The following BBOF1 variants were observed in gnomAD, a reference collection of about 807,000 sequenced individuals.
The protein encoded by BBOF1 is basal body-orientation factor 1.
In BBOF1, 62 loss-of-function variants were observed where a neutral mutation model predicts 68.0. The ratio of observed to expected loss-of-function variants is 0.91; its 90% confidence interval spans 0.74 to 1.13. BBOF1 has a LOEUF of 1.13. Ranked by LOEUF, BBOF1 falls within the 50% of genes most tolerant of loss-of-function variation. BBOF1 has a pLI of 0.00. For synonymous variants in BBOF1, 208 were observed against 198.8 expected (o/e 1.05, Z -0.39); for missense variants, 534 against 600.1 (o/e 0.89, Z 1.15).
At chr14:74,029,823 G>A (rs1264065554) in intron 3 of BBOF1, among the ~76,000 whole-genome samples, 3 of 152,018 alleles carry the variant, frequency 2.0e-5, no homozygotes, top group East Asian at 3.9e-4. Flanking sequence ...GGAGATACAC[G>A]TTTTTAAAAT....
chr14:74,071,253 C>A (rs757736697), intron 9 of BBOF1: 4 of 1,614,076 alleles, frequency 2.5e-6, no homozygotes, highest in East Asian at 2.2e-5. Flanking sequence ...AATCCTGGAG[C>A]AACTTAGCAA....
At chr14:74,045,021 A>G (rs2059920100) in intron 5 of BBOF1, among the ~76,000 whole-genome samples, 1 of 152,124 alleles carries the variant, frequency 6.6e-6, no homozygotes, top group Non-Finnish European at 1.5e-5. Flanking sequence ...AACATGAGCG[A>G]GCAGGCCCGG....
At chr14:74,064,558 A>G in intron 11 of BBOF1, 130 bp from the exon 12 acceptor site, 1 of 814,414 alleles carries the variant, frequency 1.2e-6, no homozygotes, top group Non-Finnish European at 2.1e-6. Context: ...GAAGAGGGTC[A>G]CACACTCAGG....
downstream of BBOF1, chr14:74,068,767 GAGT>G (rs2060507950): frequency 7.1e-7 from 1 of 1,407,028 alleles, no homozygotes; most frequent in Non-Finnish European, 1.0e-6. Context: ...ACTGACATTG[GAGT>G]GGGATGAGTG....
intron 7 of BBOF1, 97 bp from the exon 8 acceptor site, chr14:74,049,605 T>C: frequency 2.0e-6 from 2 of 1,025,260 alleles, no homozygotes; most frequent in Non-Finnish European, 2.8e-6. Flanking sequence ...GAGGTTGCAG[T>C]GAGCTGAGAT....
chr14:74,067,766 A>G (rs1038929378), downstream of BBOF1, among the ~76,000 whole-genome samples: 20 of 151,990 alleles, frequency 1.3e-4, no homozygotes, highest in Non-Finnish European at 1.6e-4. Flanking sequence ...TCTACAAAAA[A>G]TACAAAAAAT....
chr14:74,060,157 C>A, intron 11 of BBOF1: 1 of 156,010 alleles, frequency 6.4e-6, no homozygotes, highest in Admixed American at 6.2e-5. Context: ...ATTTTTTTTC[C>A]CTTTTCTTTT....
Position 74,064,894 on chromosome 14 carries a change from C to T in BBOF1, c.*195C>T, listed in dbSNP as rs2060434555. 6.2e-7 allele frequency: 1 copy of T among 1,613,902 alleles called. No homozygotes were observed. Among genetic ancestry groups the T allele is most frequent in the African/African-American group, 1.3e-5 (1 of 74,884 alleles). On this transcript the variant is annotated 3_prime_UTR_variant, in exon 12 of 12. Coordinates refer to ENST00000394009, the MANE Select transcript of BBOF1 (RefSeq NM_025057.3). Reference sequence around the variant, plus strand: ...CGGTGAATGAGAACATTGGCAAAGGCACTGGAATGGGGACATTCACTCCCA... The same window carrying T: ...CGGTGAATGAGAACATTGGCAAAGGTACTGGAATGGGGACATTCACTCCCA...
At chr14:74,082,619 C>T (rs1052664998) in intron 12 of BBOF1, among the ~76,000 whole-genome samples, 2 of 151,956 alleles carry the variant, frequency 1.3e-5, no homozygotes, top group South Asian at 4.2e-4. Context: ...AGGCTGGTCT[C>T]GAACTCCTGA....
At chr14:74,069,101 C>CTTTTTTTTTTTTTTTTTTTTTTTTTTTT (rs900873855), downstream of BBOF1, 1 of 383,114 alleles carries the variant, frequency 2.6e-6, no homozygotes, top group Non-Finnish European at 3.9e-6. Flanking sequence ...TTTACTTTTT[C>CTTTTTTTTTTTTTTTTTTTTTTTTTTTT]TTTTTTTTTT....
At chr14:74,063,956 G>A (rs2060407521) in intron 11 of BBOF1, among the ~76,000 whole-genome samples, 1 of 151,842 alleles carries the variant, frequency 6.6e-6, no homozygotes, top group Non-Finnish European at 1.5e-5. Context: ...TTTGGTTCCA[G>A]ATCTGCTTTA....
At chr14:74,041,238 G>C (rs2059819720) in intron 5 of BBOF1, among the ~76,000 whole-genome samples, 1 of 152,114 alleles carries the variant, frequency 6.6e-6, no homozygotes, top group African/African-American at 2.4e-5. Context: ...AGGAGGCAGA[G>C]GTTGCAGTGA....
chr14:74,056,525 A>G (rs1344269040), intron 9 of BBOF1, among the ~76,000 whole-genome samples: 3 of 151,958 alleles, frequency 2.0e-5, no homozygotes, highest in African/African-American at 7.3e-5. Flanking sequence ...TAGTAAAGAC[A>G]GGGTTTCACC....
intron 2 of BBOF1, among the ~76,000 whole-genome samples, chr14:74,028,578 C>A (rs1488477066): frequency 6.6e-6 from 1 of 151,014 alleles, no homozygotes; most frequent in Admixed American, 6.6e-5. Context: ...ATTTTTTGTA[C>A]TCTTCTTGAA....
Position 74,064,697 on chromosome 14 carries a change from T to A in BBOF1, c.1588T>A (p.Ter530ArgextTer22), listed in dbSNP as rs771375490. 6.2e-7 allele frequency: 1 copy of A among 1,614,166 alleles called. No homozygotes were observed. Among genetic ancestry groups the A allele is most frequent in the East Asian group, 2.2e-5 (1 of 44,878 alleles). ...EPQESDTGTF[*>R] ...TTTAAATCTTTTTTAGGGAACCTTCTGAGAAGCACTGATTATGACCTCACA... is the reference window on the plus strand; with the variant it reads ...TTTAAATCTTTTTTAGGGAACCTTCAGAGAAGCACTGATTATGACCTCACA... Residue 530 changes from the stop codon to arginine (R), a stop_lost, in exon 12 of 12, where the codon TGA becomes AGA. Transcript: ENST00000394009.
At chr14:74,080,771 C>T (rs529859131) in intron 10 of BBOF1, among the ~76,000 whole-genome samples, 4 of 152,284 alleles carry the variant, frequency 2.6e-5, no homozygotes, top group African/African-American at 9.6e-5. Context: ...ATCTAGTTTC[C>T]ATCCCATAAT....
rs1247439569 is a variant in BBOF1, at chr14:74,023,017, A to G, written c.158A>G (p.Tyr53Cys). 1 of 1,612,394 alleles carries G rather than the reference A, an allele frequency of 6.2e-7. No homozygotes were observed. Among genetic ancestry groups the G allele is most frequent in the Non-Finnish European group, 8.5e-7 (1 of 1,179,208 alleles). Reference sequence around the variant, plus strand: ...GTCACAGAACTCTCTAGGATTAAGTATCGTGATACTTCACGGATACTGGCA... The same window carrying G: ...GTCACAGAACTCTCTAGGATTAAGTGTCGTGATACTTCACGGATACTGGCA... ...LEVTELSRIK[Y>C]RDTSRILAKS... Residue 53 changes from tyrosine (Y) to cysteine (C), a missense_variant, in exon 2 of 12, where the codon TAT (tyrosine) becomes TGT (cysteine). Physicochemically the swap from Tyr to Cys is radical, Grantham distance 194 (BLOSUM62 -2). Coordinates refer to ENST00000394009, the MANE Select transcript of BBOF1 (RefSeq NM_025057.3).
rs1346625288 is a variant in BBOF1 at position 74,037,325 on chromosome 14, T to C, written c.495+3154T>C. On this transcript the variant is annotated intron_variant, in intron 4 of 11. Transcript: ENST00000394009. ...TTCTTTTCTTGAGACAGAGTCTCGC[T>C]CTTTTACCCAGGCTGGAGTGCAGTG... 4.4e-5 allele frequency among the ~76,000 whole-genome samples: 6 copies of C among 136,230 alleles called. 1 individual carries two copies. The South Asian group carries it at 1.3e-3, about 30-fold the overall frequency. 89.4% of individuals were successfully genotyped at this position (136,230 alleles called of 152,430 possible).
intron 5 of BBOF1, among the ~76,000 whole-genome samples, chr14:74,041,888 T>G (rs977701508): frequency 6.6e-6 from 1 of 152,060 alleles, no homozygotes; most frequent in Non-Finnish European, 1.5e-5. Context: ...AATACAAAAA[T>G]TAGCCAGGCA....
Sources: allele counts gnomAD v4.1 joint callset (sites outside exome capture counted in the v4.1 genomes callset), GRCh38; gene constraint gnomAD v4.1.1; transcripts MANE v1.5; gene names NCBI Gene and HGNC (gene_info 2026-07-23, HGNC 2026-07-21).